PCDHA1: variants seen among roughly 807,000 people sequenced by gnomAD.
The protein encoded by PCDHA1 is protocadherin alpha-1.
Under a neutral mutation model 61.3 loss-of-function variants are expected in PCDHA1, and 42 were observed. The ratio of observed to expected loss-of-function variants is 0.69; its 90% CI spans 0.54 to 0.89. The LOEUF (loss-of-function observed/expected upper bound fraction) is 0.89, where lower values mean the gene tolerates loss of function less well. Ranked by LOEUF, PCDHA1 falls within the 40% of genes least tolerant of loss-of-function variation. The pLI is 0.00. For missense variants in PCDHA1, 1,256 were observed against 1,235.3 expected (o/e 1.02, Z -0.25); for synonymous variants, 610 against 553.8 (o/e 1.10, Z -1.43).
At chr5:140,976,298 C>A (rs2096709941) in intron 1 of PCDHA1, among the ~76,000 whole-genome samples, 1 of 152,036 alleles carries the variant, frequency 6.6e-6, no homozygotes, top group African/African-American at 2.4e-5. Context: ...AGCCTGTAAT[C>A]CCAGCACTTT....
intron 1 of PCDHA1, chr5:140,825,341 T>TATATCTAATATATATTAGATATATAA (rs1768513170): frequency 6.9e-6 from 1 of 145,948 alleles, no homozygotes; most frequent in South Asian, 2.1e-4. Flanking sequence ...TATTTTTCAA[T>TATATCTAATATATATTAGATATATAA]ATATCTAATA....
chr5:140,801,536 G>T, intron 1 of PCDHA1: 1 of 1,614,262 alleles, frequency 6.2e-7, no homozygotes, highest in Non-Finnish European at 8.5e-7. Flanking sequence ...TGGACAGGCC[G>T]CTGCAGGTTT....
Position 141,011,605 on chromosome 5 carries a change from T to C in PCDHA1, c.*1668T>C, listed in dbSNP as rs971128266. On this transcript the variant is annotated 3_prime_UTR_variant, in exon 4 of 4. Coordinates refer to ENST00000504120, the MANE Select transcript of PCDHA1 (RefSeq NM_018900.4). The stretch of plus-strand genomic sequence containing the variant: ...AAGATACTGGTGATTCAAGGAATTT[T>C]ATTTATGGTCCAGCCAAGAGCCATC... 4 of 153,780 alleles carry C rather than the reference T, an allele frequency of 2.6e-5. No homozygotes were observed. Among genetic ancestry groups the C allele is most frequent in the Non-Finnish European group, 4.4e-5 (3 of 68,032 alleles). 9.5% of individuals were successfully genotyped at this position (153,780 alleles called of 1,614,324 possible). A position where few individuals can be genotyped will look rare whatever the true frequency, so the allele number is the denominator to read the frequency against.
Position 140,843,020 on chromosome 5 carries a change from G to A in PCDHA1, c.2394+54336G>A, listed in dbSNP as rs142550829. ...GAATGACAACGCGCCGGCACTGCTG[G>A]AGCCTCGGGTGGGTGGCACTGGTGG... On this transcript the variant is annotated intron_variant, in intron 1 of 3. Transcript: ENST00000504120. 14 of 1,595,174 alleles carry A rather than the reference G, an allele frequency of 8.8e-6. 2 individuals carry two copies. In the African/African-American group the frequency reaches 1.7e-4, roughly 20 times the overall value.
rs782363035 is a variant in PCDHA1, at chr5:140,786,527, G to T, written c.237G>T (p.Leu79=). The T allele has an allele frequency of 1.2e-6, 2 of 1,614,158 alleles. No homozygotes were observed. Among genetic ancestry groups the T allele is most frequent in the Admixed American group, 3.3e-5 (2 of 60,034 alleles). ...ACAGGGACCTTCTGGAGGTAAATCT[G>T]CAGAATGGCATTTTGTTTGTGAATT... ...KTHRDLLEVN[L]QNGILFVNSR... is the part of the protein sequence containing the mutation. The change falls in exon 1 of 4, where the codon CTG becomes CTT. Residue 79 remains leucine, a synonymous_variant. Coordinates refer to ENST00000504120, the MANE Select transcript of PCDHA1 (RefSeq NM_018900.4).
chr5:140,796,854 G>A (rs1554120157), intron 1 of PCDHA1: 9 of 1,613,988 alleles, frequency 5.6e-6, no homozygotes. Context: ...ACACGGGTGA[G>A]ATCAGCACGA....
chr5:140,983,146 G>T (rs894953025), intron 3 of PCDHA1, among the ~76,000 whole-genome samples: 3 of 152,140 alleles, frequency 2.0e-5, no homozygotes, highest in Non-Finnish European at 4.4e-5. Flanking sequence ...TAGTGCCTTG[G>T]CATGCATGTT....
Position 140,842,900 on chromosome 5 carries a change from G to A in PCDHA1, c.2394+54216G>A, listed in dbSNP as rs2150347456. ...CGCGCTGCAGCCGCTGGACCACGAG[G>A]AGCTAGAGCTGCTGCAGTTCCAGGT... On this transcript the variant is annotated intron_variant, in intron 1 of 3. Transcript: ENST00000504120. 6.3e-7 allele frequency: 1 copy of A among 1,594,414 alleles called. No homozygotes were observed. The highest frequency in any genetic ancestry group is 2.2e-5 in the East Asian group (1 of 44,796).
rs200912451 is a variant in PCDHA1 at position 140,850,965 on chromosome 5, G to A, written c.2394+62281G>A. The A allele has an allele frequency of 1.1e-4, 159 of 1,464,076 alleles. 6 individuals are homozygous for A. The highest frequency in any genetic ancestry group is 1.3e-4 in the Non-Finnish European group (139 of 1,096,434). 90.7% of individuals were successfully genotyped at this position (1,464,076 alleles called of 1,614,324 possible). On this transcript the variant is annotated intron_variant, in intron 1 of 3. Transcript: ENST00000504120. The stretch of plus-strand genomic sequence containing the variant: ...ATATTATCGATTACTCCCAGGGGCC[G>A]TTCAAATAGTTTTATTCATTTTTCT...
chr5:140,828,395 T>G (rs2150154889), intron 1 of PCDHA1: 3 of 1,614,172 alleles, frequency 1.9e-6, no homozygotes, highest in South Asian at 2.2e-5. Context: ...GAGCGCGGAG[T>G]GCAGCATCCA....
At chr5:140,796,853 A>T (rs782066641) in intron 1 of PCDHA1, 19 of 1,614,066 alleles carry the variant, frequency 1.2e-5, no homozygotes, top group Non-Finnish European at 1.6e-5. Flanking sequence ...TACACGGGTG[A>T]GATCAGCACG....
chr5:140,890,386 A>T (rs905205351), intron 1 of PCDHA1, among the ~76,000 whole-genome samples: 1 of 152,202 alleles, frequency 6.6e-6, no homozygotes, highest in African/African-American at 2.4e-5. Context: ...TCTTTCTTAG[A>T]TAATCTATAA....
intron 1 of PCDHA1, chr5:140,841,532 C>T (rs2150317529): frequency 3.7e-6 from 6 of 1,613,694 alleles, no homozygotes; most frequent in Non-Finnish European, 5.1e-6. Context: ...GTCCAAAAGA[C>T]ACCGGGACCT....
chr5:140,944,410 C>G (rs1339076109), intron 1 of PCDHA1, among the ~76,000 whole-genome samples: 1 of 152,272 alleles, frequency 6.6e-6, no homozygotes, highest in Middle Eastern at 3.4e-3. Flanking sequence ...TGGTCTCGAA[C>G]TCCTGATCTG....
chr5:140,803,080 C>T (rs1763108368), intron 1 of PCDHA1: 1 of 1,613,930 alleles, frequency 6.2e-7, no homozygotes, highest in Non-Finnish European at 8.5e-7. Context: ...GGGCTGTACA[C>T]GGGAGAGATC....
chr5:140,835,058 C>G, intron 1 of PCDHA1: 1 of 1,218,396 alleles, frequency 8.2e-7, no homozygotes, highest in Non-Finnish European at 1.1e-6. Flanking sequence ...TGACTGGCAC[C>G]GTTCAATTAC....
In PCDHA1 at chr5:141,011,182, G is replaced by C. The variant is rs887034679; in HGVS notation, c.*1245G>C. The C allele has an allele frequency of 6.5e-6, 1 of 153,494 alleles. No individual in the cohort carries two copies. Among genetic ancestry groups the C allele is most frequent in the African/African-American group, 2.4e-5 (1 of 41,364 alleles). The allele number at this position is 153,494 out of a possible 1,614,324, so 9.5% of individuals were successfully genotyped here. A position where few individuals can be genotyped will look rare whatever the true frequency, so the allele number is the denominator to read the frequency against. On this transcript the variant is annotated 3_prime_UTR_variant, in exon 4 of 4. Coordinates refer to ENST00000504120, the MANE Select transcript of PCDHA1 (RefSeq NM_018900.4). The stretch of plus-strand genomic sequence containing the variant: ...TATATATCAAGACCCAAAAATTGAA[G>C]AAAAATATTGTTTTCTCATACAGTG...
intron 1 of PCDHA1, chr5:140,811,575 A>T (rs1418966783): frequency 3.3e-5 from 5 of 152,212 alleles, no homozygotes; most frequent in Admixed American, 1.3e-4. Context: ...GAATCGCCAC[A>T]CTGTCTTCCA....
chr5:140,800,671 G>A (rs1762587929), intron 1 of PCDHA1, among the ~76,000 whole-genome samples: 1 of 152,078 alleles, frequency 6.6e-6, no homozygotes, highest in South Asian at 2.1e-4. Context: ...TATAAAAAGC[G>A]AATAATATTA....
Sources: gnomAD v4.1 joint callset for allele counts (sites outside exome capture counted in the v4.1 genomes callset) on GRCh38, gnomAD v4.1.1 for gene constraint, MANE v1.5 for transcripts, NCBI Gene and HGNC (gene_info 2026-07-23, HGNC 2026-07-21) for gene names.